C3orf70: variants seen among roughly 807,000 people sequenced by gnomAD.
The protein encoded by C3orf70 is UPF0524 protein C3orf70.
C3orf70 carries 15 observed loss-of-function variants against 20.7 expected under a neutral mutation model. The observed-to-expected ratio is 0.72, with a 90% confidence interval of 0.48 to 1.11. The LOEUF (loss-of-function observed/expected upper bound fraction) is 1.11, where lower values mean the gene tolerates loss of function less well. Ranked by LOEUF, C3orf70 falls within the 50% of genes most tolerant of loss-of-function variation. The pLI is 0.00. For synonymous variants in C3orf70, 161 were observed against 125.7 expected (o/e 1.28, Z -1.88); for missense variants, 332 against 317.6 (o/e 1.05, Z -0.34).
intron 1 of C3orf70, among the ~76,000 whole-genome samples, chr3:185,102,711 C>T (rs1212784416): frequency 6.6e-6 from 1 of 152,132 alleles, no homozygotes; most frequent in Non-Finnish European, 1.5e-5. Context: ...AAAACGGACA[C>T]ACAGACCAAT....
chr3:185,109,405 A>G (rs544222924), intron 1 of C3orf70, among the ~76,000 whole-genome samples: 16 of 152,246 alleles, frequency 1.1e-4, no homozygotes, highest in Non-Finnish European at 2.4e-4. Context: ...AAACTTTATC[A>G]TGAGCCAGAT....
rs894123814 is a variant in C3orf70 at position 185,153,050 on chromosome 3, C to G, written c.-227G>C. On this transcript the variant is annotated 5_prime_UTR_variant, in exon 1 of 2. Transcript: ENST00000335012. This position sits in a 1 kb window ranked among gnomAD's most constrained non-coding sequence, Gnocchi z 6.8. ...GCCTCCCTCCCTCCGGCGCGGCGCG[C>G]GCCGCGCCCCACGCGCACACGCACG... is the stretch of plus-strand genomic sequence containing the variant. 1 of 152,478 alleles carries G rather than the reference C, an allele frequency of 6.6e-6. No homozygotes were observed. The highest frequency in any genetic ancestry group is 1.4e-5 in the Non-Finnish European group (1 of 69,892). The allele number at this position is 152,478 out of a possible 1,614,324, so 9.4% of individuals were successfully genotyped here.
At chr3:185,120,805 T>C (rs1370418065) in intron 1 of C3orf70, among the ~76,000 whole-genome samples, 1 of 150,914 alleles carries the variant, frequency 6.6e-6, no homozygotes, top group East Asian at 1.9e-4. Flanking sequence ...GTACAACCAC[T>C]ATGGAAAACA....
At position 185,079,280 on chromosome 3, in the gene C3orf70, C is replaced by CAAAAAAAAAAAAAAAAAAAAAAAA. The variant is rs60241057; in HGVS notation, c.*3703_*3726dup. ...TGGGTGAAGGAGCGAGACTCTGTCT[C>CAAAAAAAAAAAAAAAAAAAAAAAA]AAAAAAAAAAAAAAAAAAAAAAAAG... On this transcript the variant is annotated 3_prime_UTR_variant, in exon 2 of 2. Transcript: ENST00000335012. 11 of 50,628 alleles carry CAAAAAAAAAAAAAAAAAAAAAAAA rather than the reference C, an allele frequency of 2.2e-4. No individual in the cohort carries two copies. The highest frequency in any genetic ancestry group is 3.9e-4 in the Non-Finnish European group (9 of 23,010). 3.1% of individuals were successfully genotyped at this position (50,628 alleles called of 1,614,324 possible). A position where few individuals can be genotyped will look rare whatever the true frequency, so the allele number is the denominator to read the frequency against.
At chr3:185,100,540 A>C (rs1179303797) in intron 1 of C3orf70, among the ~76,000 whole-genome samples, 4 of 152,216 alleles carry the variant, frequency 2.6e-5, no homozygotes, top group Non-Finnish European at 5.9e-5. Flanking sequence ...GACACAGCTA[A>C]GACAGTGTTA....
At chr3:185,144,959 G>A (rs973708324) in intron 1 of C3orf70, among the ~76,000 whole-genome samples, 5 of 152,130 alleles carry the variant, frequency 3.3e-5, no homozygotes, top group African/African-American at 1.2e-4. Flanking sequence ...AGCAACAGGA[G>A]GTTTAGTAAT....
intron 1 of C3orf70, among the ~76,000 whole-genome samples, chr3:185,108,976 C>T (rs935182877): frequency 2.0e-5 from 3 of 152,172 alleles, no homozygotes; most frequent in African/African-American, 7.2e-5. Flanking sequence ...GACAATGCCC[C>T]AGGTTATACT....
rs1021939591 is a variant in C3orf70 at position 185,082,660 on chromosome 3, G to A, written c.*347C>T. ...AAGGACTGGCTACCGAGAAAACACC[G>A]GCTCCTTCCCTTTCGGTACCTCCTC... On this transcript the variant is annotated 3_prime_UTR_variant, in exon 2 of 2. Coordinates refer to ENST00000335012, the MANE Select transcript of C3orf70 (RefSeq NM_001025266.3). 1 of 230,296 alleles carries A rather than the reference G, an allele frequency of 4.3e-6. No homozygotes were observed. The highest frequency in any genetic ancestry group is 8.5e-6 in the Non-Finnish European group (1 of 117,592). The allele number at this position is 230,296 out of a possible 1,614,324, so 14.3% of individuals were successfully genotyped here. A position where few individuals can be genotyped will look rare whatever the true frequency, so the allele number is the denominator to read the frequency against.
rs1292490848 is a variant in C3orf70, at chr3:185,078,796, A to G, written c.*4211T>C. 1 of 152,242 alleles carries G rather than the reference A, an allele frequency of 6.6e-6. No homozygotes were observed. Among genetic ancestry groups the G allele is most frequent in the East Asian group, 1.9e-4 (1 of 5,204 alleles). The allele number at this position is 152,242 out of a possible 1,614,324, so 9.4% of individuals were successfully genotyped here. On this transcript the variant is annotated 3_prime_UTR_variant, in exon 2 of 2. Transcript: ENST00000335012. Reference sequence around the variant, plus strand: ...TGTGGGAATATTAAGAGCTGACTGTAGAAATATTTTAACTTGTGCTTTTTC... The same window carrying G: ...TGTGGGAATATTAAGAGCTGACTGTGGAAATATTTTAACTTGTGCTTTTTC...
chr3:185,094,373 G>A (rs560464797), intron 1 of C3orf70, among the ~76,000 whole-genome samples: 276 of 152,114 alleles, frequency 1.8e-3, no homozygotes, highest in African/African-American at 5.9e-3. Context: ...CGCTGCGCCC[G>A]GCCTATTTGT....
intron 1 of C3orf70, among the ~76,000 whole-genome samples, chr3:185,142,328 T>C (rs922806118): frequency 2.6e-5 from 4 of 152,072 alleles, no homozygotes; most frequent in African/African-American, 4.8e-5. Context: ...CATGGTGGCA[T>C]GCTTCTGTGG....
intron 1 of C3orf70, among the ~76,000 whole-genome samples, chr3:185,085,471 T>C (rs1334295380): frequency 6.6e-6 from 1 of 152,162 alleles, no homozygotes; most frequent in Admixed American, 6.6e-5. Context: ...TTCATTTTCA[T>C]CCTGGGGTAC....
chr3:185,144,272 C>T (rs1336277545), intron 1 of C3orf70, among the ~76,000 whole-genome samples: 1 of 152,008 alleles, frequency 6.6e-6, no homozygotes, highest in Non-Finnish European at 1.5e-5. Context: ...AACTGAAAGA[C>T]GGGTTAAGTA....
At chr3:185,148,277 G>C (rs1017110339) in intron 1 of C3orf70, among the ~76,000 whole-genome samples, 2 of 152,104 alleles carry the variant, frequency 1.3e-5, no homozygotes, top group Non-Finnish European at 1.5e-5. Flanking sequence ...ACATCACCAT[G>C]TGAGGACAAA....
chr3:185,077,607 C>T lies in C3orf70; in HGVS notation c.*5400G>A, dbSNP rs756324091. Among the ~76,000 whole-genome samples, 8 of 152,022 alleles carry T rather than the reference C, an allele frequency of 5.3e-5. No individual in the cohort carries two copies. Among genetic ancestry groups the T allele is most frequent in the Admixed American group, 6.6e-5 (1 of 15,266 alleles). On this transcript the variant is annotated 3_prime_UTR_variant, in exon 2 of 2. Transcript: ENST00000335012. ...TGTTCTTTTCTGAGTATGGACTTGC[C>T]GCGCTGAGGCCTGGCCCCTGAGTCT...
chr3:185,108,064 C>T (rs909808042), intron 1 of C3orf70, among the ~76,000 whole-genome samples: 6 of 152,186 alleles, frequency 3.9e-5, no homozygotes, highest in African/African-American at 7.2e-5. Flanking sequence ...CACGAAGGCA[C>T]AAATACAGCA....
intron 1 of C3orf70, among the ~76,000 whole-genome samples, chr3:185,123,155 G>C (rs1438004611): frequency 1.4e-5 from 2 of 143,496 alleles, no homozygotes; most frequent in African/African-American, 5.3e-5. Flanking sequence ...CTCCAGCCTG[G>C]GTGACAGACC....
Position 185,083,517 on chromosome 3 carries a change from G to A in C3orf70, c.243C>T (p.Ser81=). 1 of 1,612,578 alleles carries A rather than the reference G, an allele frequency of 6.2e-7. No individual in the cohort carries two copies. The highest frequency in any genetic ancestry group is 8.5e-7 in the Non-Finnish European group (1 of 1,179,544). Residue 81 remains serine, a synonymous_variant, in exon 2 of 2, where the codon AGC becomes AGT. Coordinates refer to ENST00000335012, the MANE Select transcript of C3orf70 (RefSeq NM_001025266.3). ...QPMTPVEQLP[S]TEIPARPREP... is the part of the protein sequence containing the mutation. ...CCCGAGGCCTGGCAGGAATCTCAGT[G>A]CTTGGAAGCTGTTCCACAGGGGTCA...
Position 185,152,898 on chromosome 3 carries a change from G to C in C3orf70, c.-75C>G, listed in dbSNP as rs1461818373. 14 of 1,329,802 alleles carry C rather than the reference G, an allele frequency of 1.1e-5. No homozygotes were observed. Among genetic ancestry groups the C allele is most frequent in the Admixed American group, 1.0e-4 (3 of 29,822 alleles). The allele number at this position is 1,329,802 out of a possible 1,614,324, so 82.4% of individuals were successfully genotyped here. On this transcript the variant is annotated 5_prime_UTR_variant, in exon 1 of 2. Transcript: ENST00000335012. ...GTCTGGGTGGGCAGGAAGCCGAGCCGGCTGCGGACGCGGGAGGGCGCGGCA... is the reference window on the plus strand; with the variant it reads ...GTCTGGGTGGGCAGGAAGCCGAGCCCGCTGCGGACGCGGGAGGGCGCGGCA...
Sources: gnomAD v4.1 joint callset for allele counts (sites outside exome capture counted in the v4.1 genomes callset) on GRCh38, gnomAD v4.1.1 for gene constraint, Gnocchi (gnomAD v3.1) non-coding constraint, MANE v1.5 for transcripts, NCBI Gene and HGNC (gene_info 2026-07-23, HGNC 2026-07-21) for gene names.